Variants in PDZRN4 observed in about 807,000 individuals in gnomAD.
PDZRN4 encodes the protein PDZ domain containing ring finger 4.
In PDZRN4, 70 loss-of-function variants were observed where a neutral mutation model predicts 99.0. That is an observed-to-expected ratio of 0.71 (90% CI 0.58 to 0.86). The LOEUF (loss-of-function observed/expected upper bound fraction) is 0.86. Ranked by LOEUF, PDZRN4 falls within the 40% of genes least tolerant of loss-of-function variation. PDZRN4 has a pLI of 0.00. For synonymous variants in PDZRN4, 551 were observed against 501.6 expected (o/e 1.10, Z -1.32); for missense variants, 1,474 against 1,331.2 (o/e 1.11, Z -1.67).
intron 2 of PDZRN4, among the ~76,000 whole-genome samples, chr12:41,192,249 G>A (rs2169299): frequency 0.64 from 98,033 of 152,004 alleles, 31,753 homozygotes; most frequent in South Asian, 0.7. Flanking sequence ...GATTATAGGC[G>A]TGTGCCACCA....
intron 5 of PDZRN4, among the ~76,000 whole-genome samples, chr12:41,538,193 G>A (rs946128964): frequency 5.3e-5 from 8 of 151,336 alleles, no homozygotes; most frequent in Non-Finnish European, 1.0e-4. Context: ...AAATACAAAG[G>A]TATATTAAAA....
intron 3 of PDZRN4, chr12:41,477,872 A>T: frequency 1.3e-6 from 2 of 1,546,878 alleles, no homozygotes; most frequent in South Asian, 2.3e-5. Context: ...CAGGTAAGAG[A>T]CAATTTTTCC....
chr12:41,448,142 C>A (rs1045541080), intron 3 of PDZRN4, among the ~76,000 whole-genome samples: 1 of 152,056 alleles, frequency 6.6e-6, no homozygotes, highest in Non-Finnish European at 1.5e-5. Flanking sequence ...GGCTTGAAAG[C>A]CTTTCCCCAC....
intron 5 of PDZRN4, among the ~76,000 whole-genome samples, chr12:41,523,567 G>T (rs1938526236): frequency 2.0e-5 from 3 of 152,084 alleles, no homozygotes; most frequent in Admixed American, 2.0e-4. Flanking sequence ...GACTGTCTCA[G>T]GTACTGGGAA....
Position 41,573,723 on chromosome 12 carries a change from A to C in PDZRN4, c.2944A>C (p.Lys982Gln). The change falls in exon 10 of 10, where the codon AAG becomes CAG. Residue 982 changes from lysine to glutamine, a missense_variant. Lys to Gln is a moderately conservative substitution (Grantham distance 53). Transcript: ENST00000402685. ...KESPQSGSEG[K>Q]KEINIIELSH... The stretch of plus-strand genomic sequence containing the variant: ...GAGCCCTCAGAGCGGCAGTGAGGGC[A>C]AGAAGGAGATCAATATCATTGAACT... 6.2e-7 allele frequency: 1 copy of C among 1,613,922 alleles called. No homozygotes were observed. The highest frequency in any genetic ancestry group is 1.7e-5 in the Admixed American group (1 of 59,992).
In PDZRN4 at chr12:41,420,965, C is replaced by T. The variant is rs1952484077; in HGVS notation, c.844-85491C>T. ...TCACGGTACGTCTTCCTCCTGACTTCATTATTTTTATTAATGATGTAGCCT... is the reference window on the plus strand; with the variant it reads ...TCACGGTACGTCTTCCTCCTGACTTTATTATTTTTATTAATGATGTAGCCT... On this transcript the variant is annotated intron_variant, in intron 3 of 9. Transcript: ENST00000402685. Among the ~76,000 whole-genome samples, 4 of 152,222 alleles carry T rather than the reference C, an allele frequency of 2.6e-5. No homozygotes were observed. The South Asian group carries it at 8.3e-4, about 32-fold the overall frequency.
chr12:41,367,703 T>C (rs1458980428), intron 3 of PDZRN4, among the ~76,000 whole-genome samples: 1 of 152,088 alleles, frequency 6.6e-6, no homozygotes, highest in East Asian at 1.9e-4. Flanking sequence ...ATTTGGATTA[T>C]AGCTATGAAA....
intron 3 of PDZRN4, among the ~76,000 whole-genome samples, chr12:41,494,091 T>C: frequency 6.6e-6 from 1 of 151,870 alleles, no homozygotes; most frequent in African/African-American, 2.4e-5. Context: ...CCTGGGAACA[T>C]AAGTTAGAAC....
intron 3 of PDZRN4, among the ~76,000 whole-genome samples, chr12:41,268,862 T>C (rs1202654847): frequency 6.6e-6 from 1 of 152,144 alleles, no homozygotes; most frequent in Non-Finnish European, 1.5e-5. Flanking sequence ...GAACAAATCA[T>C]TGAAGGATAA....
chr12:41,460,266 G>A (rs764989068), intron 3 of PDZRN4, among the ~76,000 whole-genome samples: 3 of 152,122 alleles, frequency 2.0e-5, no homozygotes, highest in Non-Finnish European at 4.4e-5. Context: ...TTACAATATT[G>A]CATATTAAAT....
At chr12:41,417,355 A>G (rs1467044858) in intron 3 of PDZRN4, among the ~76,000 whole-genome samples, 1 of 152,226 alleles carries the variant, frequency 6.6e-6, no homozygotes, top group African/African-American at 2.4e-5. Context: ...GCACAAACTG[A>G]ATAGCATTAC....
chr12:41,511,155 T>G (rs1251165039), intron 5 of PDZRN4, among the ~76,000 whole-genome samples: 1 of 152,028 alleles, frequency 6.6e-6, no homozygotes, highest in African/African-American at 2.4e-5. Context: ...ATTATGTAGA[T>G]CACTTCAACT....
At chr12:41,521,773 G>C (rs1019833821) in intron 5 of PDZRN4, among the ~76,000 whole-genome samples, 2 of 152,008 alleles carry the variant, frequency 1.3e-5, no homozygotes, top group African/African-American at 4.8e-5. Flanking sequence ...TCATTATTCA[G>C]TTTCCCCTTT....
chr12:41,351,685 C>G (rs568712525), intron 3 of PDZRN4, among the ~76,000 whole-genome samples: 1 of 152,012 alleles, frequency 6.6e-6, no homozygotes, highest in Admixed American at 6.6e-5. Context: ...ATTCAGTCAC[C>G]TCCCACAAGG....
rs558518714 is a variant in PDZRN4, at chr12:41,503,642, G to T, written c.844-2814G>T. ...ATCTCACTTTTTAAAAATCTCTGTT[G>T]CTTCGAAGATCACTGAAGCAAATAA... On this transcript the variant is annotated intron_variant, in intron 3 of 9. Transcript: ENST00000402685. Among the ~76,000 whole-genome samples the T allele has an allele frequency of 1.6e-4, 25 of 152,224 alleles. 1 individual carries two copies. The South Asian group carries it at 5.2e-3, about 32-fold the overall frequency.
intron 3 of PDZRN4, among the ~76,000 whole-genome samples, chr12:41,349,443 C>T (rs1174223237): frequency 1.3e-5 from 2 of 151,346 alleles, no homozygotes; most frequent in East Asian, 1.9e-4. Flanking sequence ...ACCCATTTTA[C>T]CATCCATGTT....
At chr12:41,400,806 T>C (rs142281457) in intron 3 of PDZRN4, among the ~76,000 whole-genome samples, 1 of 152,306 alleles carries the variant, frequency 6.6e-6, no homozygotes, top group Non-Finnish European at 1.5e-5. Flanking sequence ...AAACATCTTT[T>C]TATAAAAATG....
intron 3 of PDZRN4, among the ~76,000 whole-genome samples, chr12:41,395,444 T>C (rs936959833): frequency 6.6e-6 from 1 of 152,216 alleles, no homozygotes; most frequent in African/African-American, 2.4e-5. Flanking sequence ...CTTCATCTTC[T>C]GGGCTTGAAA....
intron 6 of PDZRN4, 55 bp downstream of exon 6, chr12:41,552,809 G>T (rs565431801): frequency 2.2e-6 from 3 of 1,346,658 alleles, no homozygotes; most frequent in Admixed American, 1.7e-5. Context: ...AGAACAGAGC[G>T]AAATGACTCA....
Sources: gnomAD v4.1 joint callset for allele counts (sites outside exome capture counted in the v4.1 genomes callset) on GRCh38, gnomAD v4.1.1 for gene constraint, MANE v1.5 for transcripts, NCBI Gene and HGNC (gene_info 2026-07-23, HGNC 2026-07-21) for gene names.